ADGRE3: variants seen among roughly 807,000 people sequenced by gnomAD.
ADGRE3 encodes EGF-like module receptor 3.
In ADGRE3, 88 loss-of-function variants were observed where a neutral mutation model predicts 80.1. The observed-to-expected ratio is 1.10, with a 90% confidence interval of 0.93 to 1.31. The LOEUF (loss-of-function observed/expected upper bound fraction) is 1.31. ADGRE3 is among the 40% of genes most tolerant of loss of function. ADGRE3 has a pLI of 0.00. For synonymous variants in ADGRE3, 281 were observed against 294.8 expected, an observed-to-expected ratio of 0.95 and a Z score of 0.48; for missense variants, 715 against 776.5, an observed-to-expected ratio of 0.92 and a Z score of 0.94.
At chr19:14,628,162 C>T (rs968702000) in intron 14 of ADGRE3, among the ~76,000 whole-genome samples, 2 of 151,148 alleles carry the variant, frequency 1.3e-5, no homozygotes, top group African/African-American at 2.4e-5. Flanking sequence ...AACAAAAAAA[C>T]GAATAACAAA....
At chr19:14,668,402 G>A (rs77883744) in intron 2 of ADGRE3, among the ~76,000 whole-genome samples, 2,877 of 152,100 alleles carry the variant, frequency 0.019, 35 homozygotes, top group African/African-American at 0.035. Context: ...AATCTAGAGA[G>A]AGAGTCCCAG....
rs763890812 is a variant in ADGRE3, at chr19:14,644,276, C to T, written c.883-1G>A. 2 of 1,500,432 alleles carry T rather than the reference C, an allele frequency of 1.3e-6. No individual in the cohort carries two copies. The highest frequency in any genetic ancestry group is 1.8e-6 in the Non-Finnish European group (2 of 1,122,026). The allele number at this position is 1,500,432 out of a possible 1,614,324, so 92.9% of individuals were successfully genotyped here. ...AGACCTTTTTGGTACTGGGGGTCAT[C>T]TGAAAATAGAAAATAGAAAGGGCTC... On this transcript the variant is annotated splice_acceptor_variant, in intron 8 of 15. Transcript: ENST00000253673. LOFTEE classifies it high-confidence loss of function.
chr19:14,600,316 G>A, the ADGRE3 span: 4 of 1,072,638 alleles, frequency 3.7e-6, no homozygotes, highest in Non-Finnish European at 5.3e-6. Flanking sequence ...TTAACAGCAA[G>A]CTCTTCCTAA....
the ADGRE3 span, among the ~76,000 whole-genome samples, chr19:14,602,200 GT>G: frequency 9.3e-4 from 138 of 149,186 alleles, 2 homozygotes; most frequent in South Asian, 0.015. Context: ...TATTTAAAAT[GT>G]TTTTTTTTTC....
rs781326971 is a variant in ADGRE3, at chr19:14,632,998, C to A, written c.1566G>T (p.Leu522Phe). The A allele has an allele frequency of 3.7e-6, 6 of 1,613,550 alleles. No individual in the cohort carries two copies. The highest frequency in any genetic ancestry group is 5.1e-6 in the Non-Finnish European group (6 of 1,179,646). Reference protein sequence around the residue: ...VCAIFSANLVLFILVFWILKR... With the variant: ...VCAIFSANLVFFILVFWILKR... Reference sequence around the variant, plus strand: ...TCAAAATCCAAAAGACCAAGATAAACAATACTAAATTCGCCTGCAGGACCA... The same window carrying A: ...TCAAAATCCAAAAGACCAAGATAAAAAATACTAAATTCGCCTGCAGGACCA... The change falls in exon 13 of 16, where the codon TTG becomes TTT. Residue 522 changes from leucine to phenylalanine, a missense_variant. Leu to Phe is a conservative substitution (Grantham distance 22, BLOSUM62 0). Transcript: ENST00000253673.
In ADGRE3 at chr19:14,641,572, G is replaced by A. The variant is rs761392728; in HGVS notation, c.1095C>T (p.Ser365=). 36 of 1,613,994 alleles carry A rather than the reference G, an allele frequency of 2.2e-5. No individual in the cohort carries two copies. The highest frequency in any genetic ancestry group is 1.6e-4 in the Middle Eastern group (1 of 6,084). The change falls in exon 10 of 16, where the codon AGC becomes AGT. Residue 365 remains serine (S), a synonymous_variant. Coordinates refer to ENST00000253673, the MANE Select transcript of ADGRE3 (RefSeq NM_032571.5). The stretch of plus-strand genomic sequence containing the variant: ...CCAGGAGGAGGCACAGCAGAGAGAC[G>A]CTCAGCCCCACGTAGGTGATGACAG... ...VLTVITYVGL[S]VSLLCLLLAA...
intron 15 of ADGRE3, among the ~76,000 whole-genome samples, chr19:14,625,213 C>T (rs540135911): frequency 2.4e-4 from 37 of 152,244 alleles, no homozygotes; most frequent in Admixed American, 1.3e-3. Context: ...CTCCTGACCT[C>T]AGGTGATGCA....
intron 6 of ADGRE3, among the ~76,000 whole-genome samples, chr19:14,652,922 T>G (rs1971647547): frequency 6.6e-6 from 1 of 152,198 alleles, no homozygotes; most frequent in Non-Finnish European, 1.5e-5. Flanking sequence ...GCCTACTGTT[T>G]CATTCATTTA....
At chr19:14,641,208 A>G (rs1384518333) in intron 10 of ADGRE3, among the ~76,000 whole-genome samples, 1 of 152,198 alleles carries the variant, frequency 6.6e-6, no homozygotes, top group Non-Finnish European at 1.5e-5. Flanking sequence ...ATGAAATATG[A>G]ATATATGTTA....
the ADGRE3 span, among the ~76,000 whole-genome samples, chr19:14,611,325 C>CAGAATCA: frequency 6.7e-6 from 1 of 149,326 alleles, no homozygotes; most frequent in Non-Finnish European, 1.5e-5. Context: ...AGCTAAGTGG[C>CAGAATCA]AGAATCAGAC....
intron 10 of ADGRE3, 127 bp from the exon 11 acceptor site, chr19:14,638,467 G>T (rs1175356337): frequency 3.1e-6 from 2 of 651,816 alleles, no homozygotes; most frequent in East Asian, 5.5e-5. Flanking sequence ...AAGTAAAGGG[G>T]AACTGGATGC....
At chr19:14,631,818 T>C (rs1163910096) in intron 13 of ADGRE3, among the ~76,000 whole-genome samples, 1 of 152,114 alleles carries the variant, frequency 6.6e-6, no homozygotes, top group East Asian at 1.9e-4. Context: ...TCTGGGAAAA[T>C]GTCATATTTT....
chr19:14,655,944 C>T (rs1568494138), intron 5 of ADGRE3, among the ~76,000 whole-genome samples: 1 of 151,986 alleles, frequency 6.6e-6, no homozygotes, highest in Admixed American at 6.6e-5. Context: ...ATTGAAGCAG[C>T]GTCACTGTCT....
At chr19:14,665,045 G>A (rs1972052523) in intron 2 of ADGRE3, among the ~76,000 whole-genome samples, 1 of 149,826 alleles carries the variant, frequency 6.7e-6, no homozygotes, top group African/African-American at 2.5e-5. Context: ...TTCACATGTG[G>A]AGCAACCTCA....
At chr19:14,618,846 C>CAAAAA (rs771965258), downstream of ADGRE3, among the ~76,000 whole-genome samples, 623 of 61,924 alleles carry the variant, frequency 0.01, 51 homozygotes, top group African/African-American at 0.015. Context: ...AACTCCATCT[C>CAAAAA]AAAAAAAAAA....
the ADGRE3 span, among the ~76,000 whole-genome samples, chr19:14,609,548 G>C: frequency 6.6e-6 from 1 of 152,086 alleles, no homozygotes; most frequent in African/African-American, 2.4e-5. Context: ...TTCAGAAATT[G>C]ATTAAGGGGC....
chr19:14,635,193 C>T (rs1265615397), intron 11 of ADGRE3, among the ~76,000 whole-genome samples: 26 of 152,092 alleles, frequency 1.7e-4, no homozygotes, highest in Admixed American at 1.7e-3. Context: ...AACTCCTGTG[C>T]TCAGGCGATC....
At chr19:14,639,783 C>A (rs1362246300) in intron 10 of ADGRE3, among the ~76,000 whole-genome samples, 1 of 152,094 alleles carries the variant, frequency 6.6e-6, no homozygotes, top group African/African-American at 2.4e-5. Context: ...CTGCCCTCCC[C>A]CTATTTGCCT....
At chr19:14,614,502 G>A (rs1419216770), downstream of ADGRE3, among the ~76,000 whole-genome samples, 3 of 152,078 alleles carry the variant, frequency 2.0e-5, no homozygotes, top group African/African-American at 7.2e-5. Flanking sequence ...CATATATTGT[G>A]TGGTAAATAA....
Sources: gnomAD v4.1 joint callset for allele counts (sites outside exome capture counted in the v4.1 genomes callset) on GRCh38, gnomAD v4.1.1 for gene constraint, MANE v1.5 for transcripts, NCBI Gene and HGNC (gene_info 2026-07-23, HGNC 2026-07-21) for gene names.